RECK: variants seen among roughly 807,000 people sequenced by gnomAD.
RECK encodes reversion-inducing cysteine-rich protein with Kazal motifs.
A neutral mutation model predicts 115.1 loss-of-function variants in RECK; 69 were observed. The observed-to-expected ratio is 0.60, with a 90% CI of 0.49 to 0.73. The LOEUF (loss-of-function observed/expected upper bound fraction) is 0.73, where lower values mean the gene tolerates loss of function less well. Ranked by LOEUF, RECK falls within the 30% of genes least tolerant of loss-of-function variation. The probability of loss-of-function intolerance (pLI) is 0.00; values close to 1 mark genes in which losing one functional copy is unlikely to be tolerated. For missense variants in RECK, 1,047 were observed against 1,203.7 expected, an observed-to-expected ratio of 0.87 and a Z score of 1.93; for synonymous variants, 414 against 419.7, an observed-to-expected ratio of 0.99 and a Z score of 0.17.
At chr9:36,049,517 G>A (rs62543605) in intron 1 of RECK, among the ~76,000 whole-genome samples, 17,567 of 151,930 alleles carry the variant, frequency 0.12, 1,400 homozygotes, top group Admixed American at 0.25. Context: ...AAAAAATCTC[G>A]TAATGTTTTA....
chr9:36,075,723 A>C (rs1195886670), intron 6 of RECK, among the ~76,000 whole-genome samples: 3 of 152,224 alleles, frequency 2.0e-5, no homozygotes, highest in Non-Finnish European at 4.4e-5. Context: ...ATCTGTGAAA[A>C]GGAAACAGAT....
intron 2 of RECK, chr9:36,056,961 C>A: frequency 1.0e-6 from 1 of 985,206 alleles, no homozygotes; most frequent in Non-Finnish European, 1.2e-6. Flanking sequence ...GGAGATAAAT[C>A]CTTTTTCACT....
At chr9:36,120,874 G>T in intron 19 of RECK, 138 bp downstream of exon 19, 1 of 643,378 alleles carries the variant, frequency 1.6e-6, no homozygotes. Context: ...GGGCCATATA[G>T]CCCTTAATCA....
Position 36,105,003 on chromosome 9 carries a change from G to A in RECK, c.1436-140G>A. 4 of 604,628 alleles carry A rather than the reference G, an allele frequency of 6.6e-6. No individual in the cohort carries two copies. The South Asian group carries it at 9.5e-5, about 14-fold the overall frequency. 37.5% of individuals were successfully genotyped at this position (604,628 alleles called of 1,614,324 possible). ...ATTTCACAAATGAAAGAATCTCGGTGTTTTAATAGCTTGGTAGAATCAGGC... is the reference window on the plus strand; with the variant it reads ...ATTTCACAAATGAAAGAATCTCGGTATTTTAATAGCTTGGTAGAATCAGGC... On this transcript the variant is annotated intron_variant, in intron 12 of 20. Coordinates refer to ENST00000377966, the MANE Select transcript of RECK (RefSeq NM_021111.3).
intron 2 of RECK, among the ~76,000 whole-genome samples, chr9:36,053,441 A>G (rs556083390): frequency 9.2e-5 from 14 of 152,362 alleles, no homozygotes; most frequent in Middle Eastern, 3.4e-3. Context: ...AGACGTAGAA[A>G]GATTTTGCAA....
chr9:36,037,178 CG>C (rs1820697982), intron 1 of RECK, 80 bp downstream of exon 1: 1 of 439,188 alleles, frequency 2.3e-6, no homozygotes, highest in Non-Finnish European at 3.1e-6. Flanking sequence ...GGGCAGGGGG[CG>C]GGGGTGCGCG....
chr9:36,097,904 C>T (rs1823413602), intron 10 of RECK, among the ~76,000 whole-genome samples: 1 of 152,032 alleles, frequency 6.6e-6, no homozygotes, highest in African/African-American at 2.4e-5. Context: ...CTGGAGGACA[C>T]TAAATAAAAT....
chr9:36,124,376 C>T lies in RECK; in HGVS notation c.*1331C>T, dbSNP rs1824565545. 6.6e-6 allele frequency: 1 copy of T among 152,508 alleles called. No homozygotes were observed. 9.4% of individuals were successfully genotyped at this position (152,508 alleles called of 1,614,324 possible). A position where few individuals can be genotyped will look rare whatever the true frequency, so the allele number is the denominator to read the frequency against. On this transcript the variant is annotated 3_prime_UTR_variant, in exon 21 of 21. Coordinates refer to ENST00000377966, the MANE Select transcript of RECK (RefSeq NM_021111.3). ...TGATGTAGCATGCTTGTTGCAATTGCCTTTTTTCTGTATAAATGTCTTTAA... is the reference window on the plus strand; with the variant it reads ...TGATGTAGCATGCTTGTTGCAATTGTCTTTTTTCTGTATAAATGTCTTTAA...
chr9:36,054,128 C>T (rs541880360), intron 2 of RECK, among the ~76,000 whole-genome samples: 11 of 152,290 alleles, frequency 7.2e-5, no homozygotes, highest in Middle Eastern at 6.8e-3. Context: ...GTAGAGCTCA[C>T]TTCAAAGAGA....
chr9:36,041,335 G>C (rs551884977), intron 1 of RECK, among the ~76,000 whole-genome samples: 286 of 152,300 alleles, frequency 1.9e-3, no homozygotes, highest in African/African-American at 6.8e-3. Context: ...TAAGAGATGT[G>C]TTCTGACCAT....
intron 16 of RECK, 30 bp downstream of exon 16, chr9:36,112,506 A>C (rs747515457): frequency 6.2e-7 from 1 of 1,603,108 alleles, no homozygotes; most frequent in Non-Finnish European, 8.5e-7. Flanking sequence ...ATTTTATTCA[A>C]CTGAAGACTA....
intron 16 of RECK, among the ~76,000 whole-genome samples, chr9:36,116,405 G>A (rs1824267680): frequency 6.6e-6 from 1 of 152,200 alleles, no homozygotes; most frequent in Non-Finnish European, 1.5e-5. Flanking sequence ...AGCATTACAG[G>A]CGTGAGGCAC....
rs1824299250 is a variant in RECK at position 36,117,145 on chromosome 9, G to C, written c.2221G>C (p.Gly741Arg). ...CAATCTCTGCACTTTATACCAAAGA[G>C]GAAAAAGCCTCTCTTACAAAGGTCC... The part of the protein sequence containing the change: ...HNNLCTLYQR[G>R]KSLSYKGPCQ... Residue 741 changes from glycine (G) to arginine (R), a missense_variant, in exon 17 of 21, where the codon GGA becomes CGA. Gly to Arg is a moderately radical substitution (Grantham distance 125, BLOSUM62 -2). Coordinates refer to ENST00000377966, the MANE Select transcript of RECK (RefSeq NM_021111.3). The C allele has an allele frequency of 6.2e-7, 1 of 1,612,060 alleles. No homozygotes were observed. Among genetic ancestry groups the C allele is most frequent in the Non-Finnish European group, 8.5e-7 (1 of 1,179,032 alleles).
chr9:36,065,228 TAA>T (rs561725701), intron 5 of RECK, among the ~76,000 whole-genome samples: 9 of 50,554 alleles, frequency 1.8e-4, no homozygotes, highest in Non-Finnish European at 2.7e-4. Flanking sequence ...GGAATTCAGC[TAA>T]AAAAAAAAAA....
intron 9 of RECK, among the ~76,000 whole-genome samples, chr9:36,089,967 T>C (rs1267847270): frequency 7.0e-6 from 1 of 143,794 alleles, no homozygotes; most frequent in African/African-American, 2.6e-5. Flanking sequence ...CTACTAAAAA[T>C]ACACACACAC....
rs542625792 is a variant in RECK at position 36,122,479 on chromosome 9, C to A, written c.2695-345C>A. ...TTTCTCTTTTCTTTTTTCTTCTTTT[C>A]TTTTCTTTGAGATGGGATCTTGCTA... On this transcript the variant is annotated intron_variant, in intron 20 of 20. Transcript: ENST00000377966. 3.3e-5 allele frequency among the ~76,000 whole-genome samples: 5 copies of A among 152,000 alleles called. No individual in the cohort carries two copies. The South Asian group carries it at 1.0e-3, about 32-fold the overall frequency.
At chr9:36,097,884 A>G (rs1410926276) in intron 10 of RECK, among the ~76,000 whole-genome samples, 5 of 152,328 alleles carry the variant, frequency 3.3e-5, no homozygotes, top group Middle Eastern at 3.4e-3. Context: ...TTGCAACAAT[A>G]TGAATGAACC....
chr9:36,044,807 T>C (rs1182764190), intron 1 of RECK, among the ~76,000 whole-genome samples: 1 of 152,172 alleles, frequency 6.6e-6, no homozygotes, highest in Non-Finnish European at 1.5e-5. Context: ...AGGACTGCAT[T>C]CTAGGTAAGT....
intron 18 of RECK, 94 bp downstream of exon 18, chr9:36,119,061 C>T (rs1201502242): frequency 1.4e-5 from 18 of 1,258,376 alleles, no homozygotes; most frequent in South Asian, 2.7e-5. Flanking sequence ...AGCTCATTTA[C>T]GTTTTTCAGA....
Sources: allele counts gnomAD v4.1 joint callset (sites outside exome capture counted in the v4.1 genomes callset), GRCh38; gene constraint gnomAD v4.1.1; transcripts MANE v1.5; gene names NCBI Gene and HGNC (gene_info 2026-07-23, HGNC 2026-07-21).